PALM3: variants seen among roughly 807,000 people sequenced by gnomAD.
The protein encoded by PALM3 is paralemmin 3.
A neutral mutation model predicts 27.9 loss-of-function variants in PALM3; 20 were observed. The ratio of observed to expected loss-of-function variants is 0.72; its 90% CI spans 0.50 to 1.04. The LOEUF is 1.04. Ranked by LOEUF, PALM3 falls within the 50% of genes least tolerant of loss-of-function variation. The pLI is 0.00. For synonymous variants in PALM3, 328 were observed against 352.7 expected, an observed-to-expected ratio of 0.93 and a Z score of 0.79; for missense variants, 814 against 869.4, an observed-to-expected ratio of 0.94 and a Z score of 0.80.
At position 14,056,608 on chromosome 19, in the gene PALM3, C is replaced by T. The variant is rs1245344751; in HGVS notation, c.314+54G>A. ...CCTCCTTGGAATGTGCCCAGGGTCT[C>T]GATCTCACCCAGCTGGGGCAGGGTT... On this transcript the variant is annotated intron_variant, in intron 4 of 6. Coordinates refer to ENST00000669674, the MANE Select transcript of PALM3 (RefSeq NM_001145028.2). The T allele has an allele frequency of 1.3e-5, 20 of 1,551,468 alleles. No homozygotes were observed. The Admixed American group carries it at 1.6e-4, about 12-fold the overall frequency.
Position 14,054,650 on chromosome 19 carries a change from G to A in PALM3, c.1022C>T (p.Pro341Leu), listed in dbSNP as rs757588081. Reference protein sequence around the residue: ...IEGEDVPQGSPEGDGQGGSGG... With the variant: ...IEGEDVPQGSLEGDGQGGSGG... ...AGAGCCTCCCTGCCCATCACCCTCA[G>A]GGCTGCCCTGGGGCACATCTTCCCC... is the stretch of plus-strand genomic sequence containing the variant. The change falls in exon 7 of 7, where the codon CCT becomes CTT. Residue 341 changes from proline (P) to leucine (L), a missense_variant. Pro to Leu is a moderately conservative substitution (Grantham distance 98, BLOSUM62 -3). Coordinates refer to ENST00000669674, the MANE Select transcript of PALM3 (RefSeq NM_001145028.2). 1.9e-6 allele frequency: 3 copies of A among 1,551,366 alleles called. No individual in the cohort carries two copies. The South Asian group carries it at 3.6e-5, about 18-fold the overall frequency.
intron 2 of PALM3, among the ~76,000 whole-genome samples, chr19:14,058,803 A>G (rs1976364368): frequency 6.6e-6 from 1 of 151,712 alleles, no homozygotes; most frequent in South Asian, 2.1e-4. Context: ...AGGTAGGGAG[A>G]TTTGAGAGAT....
chr19:14,060,736 G>A (rs1352813454), intron 1 of PALM3, among the ~76,000 whole-genome samples: 1 of 152,104 alleles, frequency 6.6e-6, no homozygotes, highest in Non-Finnish European at 1.5e-5. Flanking sequence ...GACCCTGAAT[G>A]CTGTTTGGGG....
chr19:14,062,028 C>T lies in PALM3; in HGVS notation c.-48G>A. ...TGGTCTCCGAGTTCTGGACCCACCA[C>T]CCGCTTGCCTGAAGGTGCCCCGGAG... On this transcript the variant is annotated 5_prime_UTR_variant, in exon 1 of 7. It adds an upstream start codon to the 5' untranslated region. Transcript: ENST00000669674. The T allele has an allele frequency of 1.0e-6, 1 of 982,004 alleles. No homozygotes were observed. Among genetic ancestry groups the T allele is most frequent in the Middle Eastern group, 5.2e-4 (1 of 1,910 alleles). 60.8% of individuals were successfully genotyped at this position (982,004 alleles called of 1,614,324 possible). A position where few individuals can be genotyped will look rare whatever the true frequency, so the allele number is the denominator to read the frequency against.
intron 3 of PALM3, 148 bp downstream of exon 3, chr19:14,057,203 C>T (rs1976320356): frequency 3.2e-6 from 2 of 622,756 alleles, no homozygotes; most frequent in Admixed American, 3.0e-5. Context: ...AGACATACCC[C>T]GCCCCGGCCA....
At chr19:14,056,827 G>A (rs1976314105) in intron 3 of PALM3, 23 bp from the exon 4 acceptor site, 1 of 1,531,452 alleles carries the variant, frequency 6.5e-7, no homozygotes, top group African/African-American at 1.4e-5. Flanking sequence ...AGGGAGTTGG[G>A]GCTGGGCATA....
At position 14,057,344 on chromosome 19, in the gene PALM3, C is replaced by T. The variant is rs1976325206; in HGVS notation, c.171+7G>A. On this transcript the variant is annotated splice_region_variant and intron_variant, in intron 3 of 6. Transcript: ENST00000669674. ...AGGCTAGGCAGGCGCCCCCGCCCGC[C>T]CCCAACCTTGAGACGCTCCACGCGG... 1 of 1,541,590 alleles carries T rather than the reference C, an allele frequency of 6.5e-7. No individual in the cohort carries two copies. Among genetic ancestry groups the T allele is most frequent in the African/African-American group, 1.4e-5 (1 of 72,666 alleles).
rs766232506 is a variant in PALM3 at position 14,054,542 on chromosome 19, T to A, written c.1130A>T (p.Glu377Val). The change falls in exon 7 of 7, where the codon GAA becomes GTA. Residue 377 changes from glutamate (E) to valine (V), a missense_variant. Transcript: ENST00000669674. ...EWEELLVEGLEGPEVAGRERG... is the reference protein window; with the variant it reads ...EWEELLVEGLVGPEVAGRERG... Reference sequence around the variant, plus strand: ...CTCCCTCCCTGCCACCTCGGGCCCTTCCAACCCCTCCACCAGCAGCTCCTC... The same window carrying A: ...CTCCCTCCCTGCCACCTCGGGCCCTACCAACCCCTCCACCAGCAGCTCCTC... The A allele has an allele frequency of 3.9e-6, 6 of 1,551,440 alleles. No individual in the cohort carries two copies. Among genetic ancestry groups the A allele is most frequent in the Middle Eastern group, 1.7e-4 (1 of 6,014 alleles).
Position 14,054,663 on chromosome 19 carries a change from G to A in PALM3, c.1009C>T (p.Pro337Ser), listed in dbSNP as rs1252172254. Residue 337 changes from proline (P) to serine (S), a missense_variant, in exon 7 of 7, where the codon CCC becomes TCC. Pro to Ser is a moderately conservative substitution (Grantham distance 74, BLOSUM62 -1). Transcript: ENST00000669674. ...CCATCACCCTCAGGGCTGCCCTGGG[G>A]CACATCTTCCCCTTCTATGGAAGCT... Reference protein sequence around the residue: ...AAASIEGEDVPQGSPEGDGQG... With the variant: ...AAASIEGEDVSQGSPEGDGQG... 3.9e-6 allele frequency: 6 copies of A among 1,551,244 alleles called. No homozygotes were observed. The East Asian group carries it at 9.8e-5, about 25-fold the overall frequency.
In PALM3 at chr19:14,054,020, C is replaced by A; in HGVS notation, c.1652G>T (p.Gly551Val). The A allele has an allele frequency of 6.4e-7, 1 of 1,551,736 alleles. No homozygotes were observed. Among genetic ancestry groups the A allele is most frequent in the Non-Finnish European group, 8.7e-7 (1 of 1,146,994 alleles). ...AGACCCTTGTTCTAGATTCAGATCT[C>A]CCTCCGTCCCTTGGGTCTTCTCTGT... is the stretch of plus-strand genomic sequence containing the variant. Reference protein sequence around the residue: ...LETEKTQGTEGDLNLEQGSRE... With the variant: ...LETEKTQGTEVDLNLEQGSRE... The change falls in exon 7 of 7, where the codon GGA (glycine) becomes GTA (valine). Residue 551 changes from glycine (G) to valine (V), a missense_variant. Gly to Val is a moderately radical substitution (Grantham distance 109). Transcript: ENST00000669674.
Position 14,055,125 on chromosome 19 carries a change from G to A in PALM3, c.547C>T (p.Pro183Ser). 3.2e-6 allele frequency: 5 copies of A among 1,551,506 alleles called. No homozygotes were observed. Among genetic ancestry groups the A allele is most frequent in the Non-Finnish European group, 4.4e-6 (5 of 1,146,958 alleles). The change falls in exon 7 of 7, where the codon CCA becomes TCA. Residue 183 changes from proline to serine, a missense_variant. By Grantham distance (74) the Pro-to-Ser change is moderately conservative (BLOSUM62 -1). Coordinates refer to ENST00000669674, the MANE Select transcript of PALM3 (RefSeq NM_001145028.2). ...GCCCCGGGGACCTGCCTCGGGCCTG[G>A]CAGAAACCCCAAGACATCCTCCCTG... is the stretch of plus-strand genomic sequence containing the variant. ...EPREDVLGFL[P>S]GPRQVPGAAG...
At position 14,054,475 on chromosome 19, in the gene PALM3, C is replaced by A; in HGVS notation, c.1197G>T (p.Thr399=). The change falls in exon 7 of 7, where the codon ACG becomes ACT. Residue 399 remains threonine, a synonymous_variant. Coordinates refer to ENST00000669674, the MANE Select transcript of PALM3 (RefSeq NM_001145028.2). ...CCTCCCAGGTCTCCTCGCCTCCTCC[C>A]GTCTTGGCCCCCTCGGCCCCCAGCG... ...ESPLGAEGAK[T]GGGEETWEAE... The A allele has an allele frequency of 1.3e-6, 2 of 1,551,490 alleles. No homozygotes were observed. The highest frequency in any genetic ancestry group is 1.2e-5 in the South Asian group (1 of 84,036).
At chr19:14,059,444 C>T (rs1976379513) in intron 1 of PALM3, among the ~76,000 whole-genome samples, 1 of 152,022 alleles carries the variant, frequency 6.6e-6, no homozygotes, top group Admixed American at 6.6e-5. Flanking sequence ...ACCACCCTGT[C>T]CTTGCCACCC....
At chr19:14,061,582 C>T (rs865876760) in intron 1 of PALM3, among the ~76,000 whole-genome samples, 10 of 152,216 alleles carry the variant, frequency 6.6e-5, no homozygotes, top group Middle Eastern at 3.4e-3. Context: ...GCCTTTTCTC[C>T]CACCTTGGAC....
rs917089583 is a variant in PALM3 at position 14,057,448 on chromosome 19, C to G, written c.91-17G>C. 11 of 1,513,496 alleles carry G rather than the reference C, an allele frequency of 7.3e-6. No individual in the cohort carries two copies. The African/African-American group carries it at 1.1e-4, about 15-fold the overall frequency. 93.8% of individuals were successfully genotyped at this position (1,513,496 alleles called of 1,614,324 possible). A position where few individuals can be genotyped will look rare whatever the true frequency, so the allele number is the denominator to read the frequency against. ...CCGCTTCTCCTGCGCACAGAGGACC[C>G]GGAGCTGCCCGCCGGCCGGGCGCGG... On this transcript the variant is annotated splice_polypyrimidine_tract_variant and intron_variant, in intron 2 of 6. Transcript: ENST00000669674.
In PALM3 at chr19:14,056,806, T is replaced by G; in HGVS notation, c.172-2A>C. On this transcript the variant is annotated splice_acceptor_variant, in intron 3 of 6. Transcript: ENST00000669674. LOFTEE classifies it high-confidence loss of function. ...CCAACGTTCCCGGAGAGACTTCCTC[T>G]GGGCAGGGGAAGGGAGTTGGGGCTG... The G allele has an allele frequency of 6.5e-7, 1 of 1,544,698 alleles. No individual in the cohort carries two copies. Among genetic ancestry groups the G allele is most frequent in the Non-Finnish European group, 8.7e-7 (1 of 1,143,568 alleles).
chr19:14,061,967 C>T lies in PALM3; in HGVS notation c.14G>A (p.Ser5Asn), dbSNP rs35385804. 0.19 allele frequency: 191,878 copies of T among 984,494 alleles called. 19,475 individuals carry two copies. The highest frequency in any genetic ancestry group is 0.27 in the Admixed American group (4,358 of 16,246). 61.0% of individuals were successfully genotyped at this position (984,494 alleles called of 1,614,324 possible). A position where few individuals can be genotyped will look rare whatever the true frequency, so the allele number is the denominator to read the frequency against. Residue 5 changes from serine to asparagine, a missense_variant, in exon 1 of 7, where the codon AGC becomes AAC. Coordinates refer to ENST00000669674, the MANE Select transcript of PALM3 (RefSeq NM_001145028.2). ...GGGTGTGGCCAGAGACCACACCTGG[C>T]TCTGCAGGGCCATCTCTGCCCAGAA... Reference protein sequence around the residue: MALQSQVWSLATPMP... With the variant: MALQNQVWSLATPMP...
At chr19:14,060,797 G>A (rs924733062) in intron 1 of PALM3, among the ~76,000 whole-genome samples, 2 of 152,090 alleles carry the variant, frequency 1.3e-5, no homozygotes, top group African/African-American at 4.8e-5. Flanking sequence ...GTCTCGCTCT[G>A]TCACCCAGGC....
Position 14,054,670 on chromosome 19 carries a change from T to G in PALM3, c.1002A>C (p.Glu334Asp), listed in dbSNP as rs972880129. The G allele has an allele frequency of 6.4e-7, 1 of 1,551,362 alleles. No individual in the cohort carries two copies. The highest frequency in any genetic ancestry group is 1.4e-5 in the African/African-American group (1 of 73,112). Residue 334 changes from glutamate to aspartate, a missense_variant, in exon 7 of 7, where the codon GAA (glutamate) becomes GAC (aspartate). Glu to Asp is a conservative substitution (Grantham distance 45). Transcript: ENST00000669674. ...RLEAAASIEG[E>D]DVPQGSPEGD... is the part of the protein sequence containing the mutation. ...CCTCAGGGCTGCCCTGGGGCACATC[T>G]TCCCCTTCTATGGAAGCTGCTGCCT...
Sources: gnomAD v4.1 joint callset for allele counts (sites outside exome capture counted in the v4.1 genomes callset) on GRCh38, gnomAD v4.1.1 for gene constraint, MANE v1.5 for transcripts, NCBI Gene and HGNC (gene_info 2026-07-23, HGNC 2026-07-21) for gene names.